TES: variants seen among roughly 807,000 people sequenced by gnomAD.
TES encodes testin.
A neutral mutation model predicts 48.2 loss-of-function variants in TES; 41 were observed. That is an observed-to-expected ratio of 0.85 (90% CI 0.66 to 1.10). The LOEUF (loss-of-function observed/expected upper bound fraction) is 1.10, where lower values mean the gene tolerates loss of function less well. TES is among the 50% of genes least tolerant of loss of function. The pLI, the probability that TES is intolerant of heterozygous loss-of-function variation, is 0.00. For missense variants in TES, 463 were observed against 515.1 expected (o/e 0.90, Z 0.98); for synonymous variants, 162 against 174.9 (o/e 0.93, Z 0.58).
chr7:116,237,742 C>T (rs141648207), intron 2 of TES, among the ~76,000 whole-genome samples: 12 of 152,266 alleles, frequency 7.9e-5, no homozygotes, highest in African/African-American at 2.9e-4. Context: ...AGTTCGAGAT[C>T]AGGTGCCAAC....
chr7:116,234,417 GATTT>G, intron 1 of TES, 113 bp from the exon 2 acceptor site: 6 of 831,340 alleles, frequency 7.2e-6, no homozygotes, highest in Non-Finnish European at 1.2e-5. Flanking sequence ...CTAAATATAA[GATTT>G]GTTTGAAAGT....
At chr7:116,225,965 C>A (rs536327039) in intron 1 of TES, among the ~76,000 whole-genome samples, 9 of 152,276 alleles carry the variant, frequency 5.9e-5, no homozygotes, top group African/African-American at 2.2e-4. Flanking sequence ...AATAGTATCT[C>A]AGACTCTCAT....
chr7:116,241,386 T>A (rs182177477), intron 2 of TES, among the ~76,000 whole-genome samples: 13 of 152,342 alleles, frequency 8.5e-5, no homozygotes, highest in Admixed American at 7.8e-4. Flanking sequence ...GATTTTATAG[T>A]ATGTTTTCTT....
chr7:116,252,788 C>T, intron 6 of TES: 1 of 380,950 alleles, frequency 2.6e-6, no homozygotes, highest in Non-Finnish European at 5.0e-6. Context: ...CAATCAGATT[C>T]CATTTCAATA....
chr7:116,244,994 A>G (rs1234818293), intron 2 of TES, among the ~76,000 whole-genome samples: 4 of 152,134 alleles, frequency 2.6e-5, no homozygotes, highest in Non-Finnish European at 5.9e-5. Context: ...GCATGTCCCA[A>G]GGCTGCACAG....
chr7:116,214,698 A>G (rs2116569019), intron 1 of TES, among the ~76,000 whole-genome samples: 1 of 152,292 alleles, frequency 6.6e-6, no homozygotes, highest in African/African-American at 2.4e-5. Flanking sequence ...CTGTTCCTTT[A>G]TGCTGTCCTA....
At chr7:116,244,699 G>T (rs932470966) in intron 2 of TES, among the ~76,000 whole-genome samples, 1 of 152,150 alleles carries the variant, frequency 6.6e-6, no homozygotes, top group Admixed American at 6.5e-5. Flanking sequence ...CTGTGTGGGG[G>T]CTCCAACCCC....
intron 1 of TES, among the ~76,000 whole-genome samples, chr7:116,223,490 G>A (rs1355347170): frequency 6.6e-6 from 1 of 152,120 alleles, no homozygotes; most frequent in Admixed American, 6.5e-5. Flanking sequence ...TTTCTCCCAA[G>A]TATATTTGGT....
Position 116,251,672 on chromosome 7 carries a change from G to T in TES, c.703-88G>T, listed in dbSNP as rs1800011061. On this transcript the variant is annotated intron_variant, in intron 4 of 6. Transcript: ENST00000358204. ...GACTCCAGCCTGGGCGACAGAGTGA[G>T]ACTCAGTCTCAAAAAAAAAAAAAGA... 3.3e-6 allele frequency: 4 copies of T among 1,216,166 alleles called. No individual in the cohort carries two copies. The African/African-American group carries it at 6.2e-5, about 19-fold the overall frequency. 75.3% of individuals were successfully genotyped at this position (1,216,166 alleles called of 1,614,324 possible).
chr7:116,238,725 G>A (rs563694448), intron 2 of TES, among the ~76,000 whole-genome samples: 2 of 151,956 alleles, frequency 1.3e-5, no homozygotes, highest in East Asian at 1.9e-4. Context: ...CCTGCCTCCC[G>A]AGTATCTGGG....
chr7:116,226,654 A>C (rs1194167565), intron 1 of TES, among the ~76,000 whole-genome samples: 1 of 152,252 alleles, frequency 6.6e-6, no homozygotes, highest in Non-Finnish European at 1.5e-5. Flanking sequence ...ATACAACGTC[A>C]TACAAAATGA....
intron 1 of TES, among the ~76,000 whole-genome samples, chr7:116,219,269 A>T (rs984567281): frequency 6.6e-6 from 1 of 152,166 alleles, no homozygotes; most frequent in African/African-American, 2.4e-5. Flanking sequence ...TCTCTTCTAA[A>T]ATAAAGCTAA....
chr7:116,217,236 A>T (rs1728291028), intron 1 of TES, among the ~76,000 whole-genome samples: 1 of 152,188 alleles, frequency 6.6e-6, no homozygotes, highest in Admixed American at 6.5e-5. Context: ...CTTTGTAATT[A>T]GGGATTCTTA....
intron 1 of TES, among the ~76,000 whole-genome samples, chr7:116,216,449 C>G (rs1441243682): frequency 1.3e-5 from 2 of 151,992 alleles, no homozygotes; most frequent in South Asian, 2.1e-4. Context: ...CTATCAATTT[C>G]TATTTATATA....
rs545130232 is a variant in TES, at chr7:116,233,910, A to G, written c.28-624A>G. Among the ~76,000 whole-genome samples, 4 of 152,312 alleles carry G rather than the reference A, an allele frequency of 2.6e-5. 1 individual carries two copies. Among genetic ancestry groups the G allele is most frequent in the African/African-American group, 7.2e-5 (3 of 41,576 alleles). The stretch of plus-strand genomic sequence containing the variant: ...ACTCACTCCCTCAGGGGCTAATCCC[A>G]TCAATGAGGGTGGAGCCCTCATTGC... On this transcript the variant is annotated intron_variant, in intron 1 of 6. Transcript: ENST00000358204.
chr7:116,252,703 G>A (rs1048509), intron 6 of TES: 103,719 of 565,288 alleles, frequency 0.18, 10,646 homozygotes, highest in East Asian at 0.41. Context: ...ATCAATTATA[G>A]GTACTGCTTA....
At chr7:116,226,900 G>A (rs1045145924) in intron 1 of TES, among the ~76,000 whole-genome samples, 3 of 152,162 alleles carry the variant, frequency 2.0e-5, no homozygotes, top group African/African-American at 7.2e-5. Context: ...TTGAGTAAGT[G>A]AGAGATGGGA....
At chr7:116,228,998 C>CTG (rs1278263956) in intron 1 of TES, among the ~76,000 whole-genome samples, 2 of 110,154 alleles carry the variant, frequency 1.8e-5, no homozygotes, top group Non-Finnish European at 3.6e-5. Context: ...GTATCTATAA[C>CTG]TATATATATA....
In TES at chr7:116,218,799, T is replaced by C. The variant is rs115148667; in HGVS notation, c.27+8065T>C. Among the ~76,000 whole-genome samples the C allele has an allele frequency of 1.4e-3, 209 of 152,216 alleles. 1 individual carries two copies. The highest frequency in any genetic ancestry group is 4.9e-3 in the African/African-American group (205 of 41,530). On this transcript the variant is annotated intron_variant, in intron 1 of 6. Coordinates refer to ENST00000358204, the MANE Select transcript of TES (RefSeq NM_015641.4). Reference sequence around the variant, plus strand: ...ATAAGTGCTATAATACAATTTCTTATCTGGGATGAGGAACCTTTTTATAAA... The same window carrying C: ...ATAAGTGCTATAATACAATTTCTTACCTGGGATGAGGAACCTTTTTATAAA...
Sources: allele counts gnomAD v4.1 joint callset (sites outside exome capture counted in the v4.1 genomes callset), GRCh38; gene constraint gnomAD v4.1.1; transcripts MANE v1.5; gene names NCBI Gene and HGNC (gene_info 2026-07-23, HGNC 2026-07-21).